WDFY2: variants seen among roughly 807,000 people sequenced by gnomAD.
WDFY2 encodes WD repeat and FYVE domain containing 2, also known as WD repeat and FYVE domain-containing protein 2.
Under a neutral mutation model 56.4 loss-of-function variants are expected in WDFY2, and 36 were observed. The ratio of observed to expected loss-of-function variants is 0.64; its 90% CI spans 0.49 to 0.84. WDFY2 has a LOEUF of 0.84. WDFY2 is among the 40% of genes least tolerant of loss of function. The pLI, the probability that WDFY2 is intolerant of heterozygous loss-of-function variation, is 0.00. For synonymous variants in WDFY2, 176 were observed against 183.7 expected, an observed-to-expected ratio of 0.96 and a Z score of 0.34; for missense variants, 444 against 512.2, an observed-to-expected ratio of 0.87 and a Z score of 1.29.
intron 8 of WDFY2, among the ~76,000 whole-genome samples, chr13:51,753,760 T>C (rs1953292288): frequency 6.6e-6 from 1 of 152,076 alleles, no homozygotes; most frequent in Non-Finnish European, 1.5e-5. Flanking sequence ...TGTGTGTGTG[T>C]GTGTATGTGT....
chr13:51,693,146 C>A (rs1951782165), intron 3 of WDFY2, among the ~76,000 whole-genome samples: 2 of 152,106 alleles, frequency 1.3e-5, no homozygotes, highest in Non-Finnish European at 2.9e-5. Context: ...AAAAAACCAG[C>A]TCCTGGATTC....
chr13:51,649,062 ATT>A (rs1196804965), intron 1 of WDFY2, among the ~76,000 whole-genome samples: 2 of 152,186 alleles, frequency 1.3e-5, no homozygotes, highest in Admixed American at 1.3e-4. Flanking sequence ...CAGGACAATC[ATT>A]TAATCCTGGG....
intron 1 of WDFY2, among the ~76,000 whole-genome samples, chr13:51,658,611 G>A (rs1955556213): frequency 6.6e-6 from 1 of 152,056 alleles, no homozygotes; most frequent in Non-Finnish European, 1.5e-5. Context: ...TATTACTCTG[G>A]TATTGATTCT....
chr13:51,620,482 G>A (rs942081747), intron 1 of WDFY2, among the ~76,000 whole-genome samples: 3 of 151,914 alleles, frequency 2.0e-5, no homozygotes, highest in Non-Finnish European at 4.4e-5. Context: ...CTGGGTCTCT[G>A]TCTTATCCTT....
In WDFY2 at chr13:51,760,200, C is replaced by T. The variant is rs1255497766; in HGVS notation, c.*431C>T. The T allele has an allele frequency of 6.4e-6, 1 of 156,138 alleles. No homozygotes were observed. The allele number at this position is 156,138 out of a possible 1,614,324, so 9.7% of individuals were successfully genotyped here. A position where few individuals can be genotyped will look rare whatever the true frequency, so the allele number is the denominator to read the frequency against. On this transcript the variant is annotated 3_prime_UTR_variant, in exon 12 of 12. Coordinates refer to ENST00000298125, the MANE Select transcript of WDFY2 (RefSeq NM_052950.4). ...TGTGTCACGTGGCCAGCGGCTTTTT[C>T]TTCTCTTCCCTCTGCACCTACCTGC...
In WDFY2 at chr13:51,765,283, A is replaced by T. The variant is rs986396008; in HGVS notation, c.*5514A>T. On this transcript the variant is annotated 3_prime_UTR_variant, in exon 12 of 12. Transcript: ENST00000298125. The stretch of plus-strand genomic sequence containing the variant: ...CTTCAGCTCAGTTTCTTAACCAAGA[A>T]CCACGTCAACCCTCCAGGGTTGTGG... 1 of 152,216 alleles carries T rather than the reference A, an allele frequency of 6.6e-6. No homozygotes were observed. Among genetic ancestry groups the T allele is most frequent in the African/African-American group, 2.4e-5 (1 of 41,444 alleles). The allele number at this position is 152,216 out of a possible 1,614,324, so 9.4% of individuals were successfully genotyped here. A position where few individuals can be genotyped will look rare whatever the true frequency, so the allele number is the denominator to read the frequency against.
In WDFY2 at chr13:51,765,782, G is replaced by A. The variant is rs1176001099; in HGVS notation, c.*6013G>A. 6.6e-6 allele frequency: 1 copy of A among 151,876 alleles called. No individual in the cohort carries two copies. Among genetic ancestry groups the A allele is most frequent in the East Asian group, 1.9e-4 (1 of 5,202 alleles). The allele number at this position is 151,876 out of a possible 1,614,324, so 9.4% of individuals were successfully genotyped here. The stretch of plus-strand genomic sequence containing the variant: ...AAGTTTCTTTTCATGAGTTTGTAGG[G>A]CAAAAAAAATTCTTTTTAAAGATGG... On this transcript the variant is annotated 3_prime_UTR_variant, in exon 12 of 12. Coordinates refer to ENST00000298125, the MANE Select transcript of WDFY2 (RefSeq NM_052950.4).
chr13:51,712,683 A>G (rs1217502437), intron 4 of WDFY2, among the ~76,000 whole-genome samples: 1 of 152,006 alleles, frequency 6.6e-6, no homozygotes, highest in Admixed American at 6.6e-5. Context: ...AATGAAATCC[A>G]AAAGCTAGTG....
At chr13:51,644,011 G>T (rs1300795753) in intron 1 of WDFY2, among the ~76,000 whole-genome samples, 1 of 152,158 alleles carries the variant, frequency 6.6e-6, no homozygotes, top group Non-Finnish European at 1.5e-5. Flanking sequence ...CCTAACATAG[G>T]CCTGTGCAAG....
At position 51,719,153 on chromosome 13, in the gene WDFY2, C is replaced by T. The variant is rs767619878; in HGVS notation, c.335-45C>T. ...TCTGTGGGCCATGTTCTTCCAACCTCCTTAGGATGCTTTATAGGTTGTTTT... is the reference window on the plus strand; with the variant it reads ...TCTGTGGGCCATGTTCTTCCAACCTTCTTAGGATGCTTTATAGGTTGTTTT... On this transcript the variant is annotated intron_variant, in intron 4 of 11. Coordinates refer to ENST00000298125, the MANE Select transcript of WDFY2 (RefSeq NM_052950.4). The T allele has an allele frequency of 6.3e-5, 102 of 1,613,214 alleles. No individual in the cohort carries two copies. The East Asian group carries it at 1.5e-3, about 24-fold the overall frequency.
chr13:51,633,335 C>T (rs1049386327), intron 1 of WDFY2, among the ~76,000 whole-genome samples: 2 of 152,214 alleles, frequency 1.3e-5, no homozygotes, highest in African/African-American at 4.8e-5. Context: ...TGAGTCTGAT[C>T]GCCTTTGTGT....
Position 51,719,104 on chromosome 13 carries a change from G to A in WDFY2, c.335-94G>A, listed in dbSNP as rs145341024. ...GTTCTGCTGTTCAGCTTATTCTGGG[G>A]TGGGGAGAAGAGAATGGTGCATCTC... On this transcript the variant is annotated intron_variant, in intron 4 of 11. Coordinates refer to ENST00000298125, the MANE Select transcript of WDFY2 (RefSeq NM_052950.4). 695 of 1,543,812 alleles carry A rather than the reference G, an allele frequency of 4.5e-4. 2 individuals carry two copies. The African/African-American group carries it at 8.0e-3, about 18-fold the overall frequency.
intron 3 of WDFY2, among the ~76,000 whole-genome samples, chr13:51,676,004 C>T (rs988829223): frequency 2.0e-5 from 3 of 152,146 alleles, no homozygotes; most frequent in Non-Finnish European, 2.9e-5. Context: ...TGCTTCAGAA[C>T]CTATGAATTA....
At chr13:51,724,073 T>G (rs1396755148) in intron 5 of WDFY2, among the ~76,000 whole-genome samples, 1 of 152,094 alleles carries the variant, frequency 6.6e-6, no homozygotes, top group African/African-American at 2.4e-5. Flanking sequence ...TTTTTTTCTT[T>G]TTGAGCACTA....
At chr13:51,640,199 A>G (rs1325480653) in intron 1 of WDFY2, among the ~76,000 whole-genome samples, 1 of 152,248 alleles carries the variant, frequency 6.6e-6, no homozygotes, top group African/African-American at 2.4e-5. Context: ...TGAATTAATA[A>G]TCACTACTGT....
intron 4 of WDFY2, among the ~76,000 whole-genome samples, chr13:51,717,037 A>G (rs1483029777): frequency 6.6e-6 from 1 of 152,162 alleles, no homozygotes; most frequent in Non-Finnish European, 1.5e-5. Flanking sequence ...CAATAAAGAA[A>G]TATCTATGGA....
intron 4 of WDFY2, among the ~76,000 whole-genome samples, chr13:51,704,702 T>A (rs1446179613): frequency 1.3e-5 from 2 of 152,248 alleles, no homozygotes; most frequent in African/African-American, 4.8e-5. Flanking sequence ...CTGTAATTTT[T>A]ATTTTAAGTT....
chr13:51,634,579 G>A (rs1055065539), intron 1 of WDFY2, among the ~76,000 whole-genome samples: 1 of 152,178 alleles, frequency 6.6e-6, no homozygotes, highest in African/African-American at 2.4e-5. Flanking sequence ...GGAGGCCAGG[G>A]TAGGTGGATC....
Position 51,761,090 on chromosome 13 carries a change from A to C in WDFY2, c.*1321A>C, listed in dbSNP as rs897323848. 1 of 152,212 alleles carries C rather than the reference A, an allele frequency of 6.6e-6. No homozygotes were observed. The highest frequency in any genetic ancestry group is 1.5e-5 in the Non-Finnish European group (1 of 68,046). 9.4% of individuals were successfully genotyped at this position (152,212 alleles called of 1,614,324 possible). ...TGTATTCTATCCCTTTAAAAACTAG[A>C]TATTTAAACATTTTATCCTAATGTG... On this transcript the variant is annotated 3_prime_UTR_variant, in exon 12 of 12. Transcript: ENST00000298125.
Sources: gnomAD v4.1 joint callset for allele counts (sites outside exome capture counted in the v4.1 genomes callset) on GRCh38, gnomAD v4.1.1 for gene constraint, MANE v1.5 for transcripts, NCBI Gene and HGNC (gene_info 2026-07-23, HGNC 2026-07-21) for gene names.